Variants in GPAT2 observed in about 807,000 individuals in gnomAD.
GPAT2 encodes the protein glycerol-3-phosphate acyltransferase 2, mitochondrial.
A neutral mutation model predicts 71.0 loss-of-function variants in GPAT2; 51 were observed. That is an observed-to-expected ratio of 0.72 (90% CI 0.57 to 0.91). GPAT2 has a LOEUF of 0.91. Ranked by LOEUF, GPAT2 falls within the 40% of genes least tolerant of loss-of-function variation. The pLI, the probability that GPAT2 is intolerant of heterozygous loss-of-function variation, is 0.00. For missense variants in GPAT2, 511 were observed against 666.0 expected, an observed-to-expected ratio of 0.77 and a Z score of 2.56; for synonymous variants, 222 against 290.3, an observed-to-expected ratio of 0.76 and a Z score of 2.39.
Position 96,025,991 on chromosome 2 carries a change from T to A in GPAT2, c.1177A>T (p.Ser393Cys). ...AGGGTCTGTCTGCCGCCCCAGCAGC[T>A]TCTGGCACTGACGATGTATTCCTGC... is the stretch of plus-strand genomic sequence containing the variant. ...SLQEYIVSARSCWGGRQTLEQ... is the reference protein window; with the variant it reads ...SLQEYIVSARCCWGGRQTLEQ... Residue 393 changes from serine (S) to cysteine (C), a missense_variant, in exon 12 of 22, where the codon AGC becomes TGC. This residue lies in a region of GPAT2 where 79 missense variants were observed against 111.4 expected (regional missense o/e 0.71). Transcript: ENST00000434632. The A allele has an allele frequency of 6.2e-7, 1 of 1,612,820 alleles. No individual in the cohort carries two copies. Among genetic ancestry groups the A allele is most frequent in the Non-Finnish European group, 8.5e-7 (1 of 1,179,790 alleles).
At chr2:96,026,069 C>G in intron 11 of GPAT2, 57 bp from the exon 12 acceptor site, 1 of 1,598,622 alleles carries the variant, frequency 6.3e-7, no homozygotes, top group Non-Finnish European at 8.6e-7. Context: ...AACTTGCACA[C>G]AGCCCACTGG....
chr2:96,025,377 C>T lies in GPAT2; in HGVS notation c.1357+108G>A, dbSNP rs2579513. Reference sequence around the variant, plus strand: ...CAGATGTCCCCAAGGTATCACAGAGCACCTCAGGTGCAGACACTTGGAATG... The same window carrying T: ...CAGATGTCCCCAAGGTATCACAGAGTACCTCAGGTGCAGACACTTGGAATG... On this transcript the variant is annotated intron_variant, in intron 13 of 21. Transcript: ENST00000434632. 2.2e-6 allele frequency: 3 copies of T among 1,387,158 alleles called. No homozygotes were observed. In the East Asian group the frequency reaches 7.5e-5, roughly 35 times the overall value. 85.9% of individuals were successfully genotyped at this position (1,387,158 alleles called of 1,614,324 possible). A position where few individuals can be genotyped will look rare whatever the true frequency, so the allele number is the denominator to read the frequency against.
chr2:96,023,973 G>A lies in GPAT2; in HGVS notation c.1864C>T (p.Gln622Ter), dbSNP rs771385498. 6.2e-7 allele frequency: 1 copy of A among 1,606,212 alleles called. No individual in the cohort carries two copies. The highest frequency in any genetic ancestry group is 1.7e-5 in the Admixed American group (1 of 59,172). ...TGGATGAGCCGGTCCAGCACCTCCTGACAGTAGCAGTAGGAAGACTGGCAG... is the reference window on the plus strand; with the variant it reads ...TGGATGAGCCGGTCCAGCACCTCCTAACAGTAGCAGTAGGAAGACTGGCAG... ...KPCQSSYCYC[Q>*]EVLDRLIQCG... The change falls in exon 17 of 22, where the codon CAG becomes TAG. Residue 622 changes from glutamine to a stop codon, truncating the protein, a stop_gained. Coordinates refer to ENST00000434632, the MANE Select transcript of GPAT2 (RefSeq NM_001321527.2). LOFTEE classifies it high-confidence loss of function.
Position 96,024,805 on chromosome 2 carries a change from T to C in GPAT2, c.1396A>G (p.Met466Val), listed in dbSNP as rs1680205624. 1.2e-6 allele frequency: 2 copies of C among 1,613,574 alleles called. No homozygotes were observed. Among genetic ancestry groups the C allele is most frequent in the East Asian group, 2.2e-5 (1 of 44,846 alleles). ...TGCTTGAAGAGCAGCAGCGTTGCCATAATGGCCGTGCTCATCACCGCAGAG... is the reference window on the plus strand; with the variant it reads ...TGCTTGAAGAGCAGCAGCGTTGCCACAATGGCCGTGCTCATCACCGCAGAG... ...GSSAVMSTAI[M>V]ATLLLFKHQK... The change falls in exon 14 of 22, where the codon ATG (methionine) becomes GTG (valine). Residue 466 changes from methionine (M) to valine (V), a missense_variant. Physicochemically the swap from Met to Val is conservative, Grantham distance 21 (BLOSUM62 1). Around this residue, in one of 7 missense-constraint regions of GPAT2, gnomAD observed 295 missense variants for 305.5 expected, o/e 0.97. Coordinates refer to ENST00000434632, the MANE Select transcript of GPAT2 (RefSeq NM_001321527.2).
chr2:96,033,905 A>T (rs1231493021), intron 1 of GPAT2, among the ~76,000 whole-genome samples: 1 of 143,594 alleles, frequency 7.0e-6, no homozygotes, highest in African/African-American at 2.5e-5. Flanking sequence ...ACAGCTCAGG[A>T]CTCCTACAGC....
rs747264770 is a variant in GPAT2, at chr2:96,024,591, C to T, written c.1523G>A (p.Arg508Gln). Residue 508 changes from arginine (R) to glutamine (Q), a missense_variant, in exon 15 of 22, where the codon CGG (arginine) becomes CAG (glutamine). By Grantham distance (43) the Arg-to-Gln change is conservative (BLOSUM62 1). Around this residue, in one of 7 missense-constraint regions of GPAT2, gnomAD observed 295 missense variants for 305.5 expected, o/e 0.97. Transcript: ENST00000434632. ...GFDVGFSGQL[R>Q]SLLQHSLSLL... Reference sequence around the variant, plus strand: ...GCTCAGTGAGTGCTGCAGCAGGCTCCGCAGCTGCCCAGAGAAGCCTACATC... The same window carrying T: ...GCTCAGTGAGTGCTGCAGCAGGCTCTGCAGCTGCCCAGAGAAGCCTACATC... 2.3e-5 allele frequency: 37 copies of T among 1,613,714 alleles called. No individual in the cohort carries two copies. In the East Asian group the frequency reaches 2.5e-4, roughly 11 times the overall value.
Position 96,032,100 on chromosome 2 carries a change from G to A in GPAT2, c.110C>T (p.Thr37Ile). 6.5e-7 allele frequency: 1 copy of A among 1,542,480 alleles called. No homozygotes were observed. Among genetic ancestry groups the A allele is most frequent in the Non-Finnish European group, 8.9e-7 (1 of 1,126,788 alleles). Reference sequence around the variant, plus strand: ...GGGGCGATACTTCCCCAGGAATGGAGTGACAGCCTCCAGCTTCATCCCAAA... The same window carrying A: ...GGGGCGATACTTCCCCAGGAATGGAATGACAGCCTCCAGCTTCATCCCAAA... Reference protein sequence around the residue: ...SGFGMKLEAVTPFLGKYRPFV... With the variant: ...SGFGMKLEAVIPFLGKYRPFV... Residue 37 changes from threonine (T) to isoleucine (I), a missense_variant, in exon 3 of 22, where the codon ACT becomes ATT. By Grantham distance (89) the Thr-to-Ile change is moderately conservative. Coordinates refer to ENST00000434632, the MANE Select transcript of GPAT2 (RefSeq NM_001321527.2).
At chr2:96,025,051 A>G (rs1354539895) in intron 13 of GPAT2, 6 of 630,860 alleles carry the variant, frequency 9.5e-6, no homozygotes, top group East Asian at 2.7e-5. Flanking sequence ...CGTAGGGCCC[A>G]CACATCAACC....
In GPAT2 at chr2:96,024,768, C is replaced by A. The variant is rs1172029255; in HGVS notation, c.1428+5G>T. 1.9e-6 allele frequency: 3 copies of A among 1,613,902 alleles called. No homozygotes were observed. The highest frequency in any genetic ancestry group is 2.5e-6 in the Non-Finnish European group (3 of 1,179,984). ...CCCAGGTCCCCACCACATTGCACCC[C>A]CTACCTTCTGATGCTTGAAGAGCAG... On this transcript the variant is annotated splice_donor_5th_base_variant and intron_variant, in intron 14 of 21. Coordinates refer to ENST00000434632, the MANE Select transcript of GPAT2 (RefSeq NM_001321527.2).
At position 96,023,430 on chromosome 2, in the gene GPAT2, G is replaced by A. The variant is rs11693649; in HGVS notation, c.1925C>T (p.Ser642Phe). The change falls in exon 18 of 22, where the codon TCC (serine) becomes TTC (phenylalanine). Residue 642 changes from serine (S) to phenylalanine (F), a missense_variant. Coordinates refer to ENST00000434632, the MANE Select transcript of GPAT2 (RefSeq NM_001321527.2). ...TCGCCCTGTGTCACAGGCTGGCCGG[G>A]AGCCTGGGGTCTAGGGGCCGTGGAG... is the stretch of plus-strand genomic sequence containing the variant. ...GLLVAEETPG[S>F]RPACDTGRQR... is the part of the protein sequence containing the mutation. The A allele has an allele frequency of 0.024, 38,047 of 1,613,976 alleles. 545 individuals are homozygous for A. The highest frequency in any genetic ancestry group is 0.027 in the Non-Finnish European group (31,887 of 1,180,012).
chr2:96,030,197 CA>C (rs1390337509), intron 6 of GPAT2, among the ~76,000 whole-genome samples: 1 of 139,634 alleles, frequency 7.2e-6, no homozygotes, highest in African/African-American at 2.7e-5. Flanking sequence ...TTCCCTGGAA[CA>C]GTGTGCTGCA....
rs1680149299 is a variant in GPAT2, at chr2:96,024,561, A to G, written c.1553T>C (p.Leu518Pro). The G allele has an allele frequency of 2.5e-6, 4 of 1,613,838 alleles. No homozygotes were observed. Among genetic ancestry groups the G allele is most frequent in the South Asian group, 1.1e-5 (1 of 91,084 alleles). ...GCGCAGCAGGGCCACGTGCGCCCGC[A>G]GCAGGCTCAGTGAGTGCTGCAGCAG... is the stretch of plus-strand genomic sequence containing the variant. ...RSLLQHSLSL[L>P]RAHVALLRIR... The change falls in exon 15 of 22, where the codon CTG becomes CCG. Residue 518 changes from leucine to proline, a missense_variant. By Grantham distance (98) the Leu-to-Pro change is moderately conservative (BLOSUM62 -3). Transcript: ENST00000434632.
Position 96,023,341 on chromosome 2 carries a change from C to A in GPAT2, c.2014G>T (p.Asp672Tyr). The A allele has an allele frequency of 1.2e-6, 2 of 1,614,218 alleles. No homozygotes were observed. Among genetic ancestry groups the A allele is most frequent in the Non-Finnish European group, 1.7e-6 (2 of 1,180,030 alleles). ...TACCGGCCGTCAGCCTCTCCGAAGT[C>A]ATCACTGTCACTATCAGTAAAGTCC... ...SGDFTDSDSD[D>Y]FGEADGRYFR... The change falls in exon 18 of 22, where the codon GAC becomes TAC. Residue 672 changes from aspartate to tyrosine, a missense_variant. Physicochemically the swap from Asp to Tyr is radical, Grantham distance 160. This residue lies in a region of GPAT2 where 295 missense variants were observed against 305.5 expected (regional missense o/e 0.97). Coordinates refer to ENST00000434632, the MANE Select transcript of GPAT2 (RefSeq NM_001321527.2).
chr2:96,023,129 C>A lies in GPAT2; in HGVS notation c.2144G>T (p.Arg715Leu), dbSNP rs774077769. The A allele has an allele frequency of 1.2e-6, 2 of 1,609,064 alleles. No homozygotes were observed. Among genetic ancestry groups the A allele is most frequent in the Non-Finnish European group, 8.5e-7 (1 of 1,177,094 alleles). ...KAFAQAAAFL[R>L]QGQLPDTELG... Reference sequence around the variant, plus strand: ...ACCAGTATCGGGCAGCTGGCCCTGGCGGAGGAAGGCGGCAGCCTGTGCAAA... The same window carrying A: ...ACCAGTATCGGGCAGCTGGCCCTGGAGGAGGAAGGCGGCAGCCTGTGCAAA... Residue 715 changes from arginine (R) to leucine (L), a missense_variant, in exon 19 of 22, where the codon CGC becomes CTC. Transcript: ENST00000434632.
In GPAT2 at chr2:96,026,259, C is replaced by T. The variant is rs200653041; in HGVS notation, c.1079G>A (p.Arg360His). Residue 360 changes from arginine (R) to histidine (H), a missense_variant, in exon 11 of 22, where the codon CGT becomes CAT. Coordinates refer to ENST00000434632, the MANE Select transcript of GPAT2 (RefSeq NM_001321527.2). ...GLWTGALAVL[R>H]SLWSRWGCSH... is the part of the protein sequence containing the mutation. ...GCAGCCCCAGCGGCTCCACAAGCTA[C>T]GTAGGACAGCCAGAGCTCCTGTCCA... 2,446 of 1,606,534 alleles carry T rather than the reference C, an allele frequency of 1.5e-3. No homozygotes were observed. Among genetic ancestry groups the T allele is most frequent in the Non-Finnish European group, 1.8e-3 (2,087 of 1,176,918 alleles).
chr2:96,024,547 C>T lies in GPAT2; in HGVS notation c.1567G>A (p.Ala523Thr). ...TCACCCTGACGGATGCGCAGCAGGG[C>T]CACGTGCGCCCGCAGCAGGCTCAGT... ...HSLSLLRAHV[A>T]LLRIRQGDLL... Residue 523 changes from alanine (A) to threonine (T), a missense_variant, in exon 15 of 22, where the codon GCC becomes ACC. Ala to Thr is a moderately conservative substitution (Grantham distance 58). Around this residue, in one of 7 missense-constraint regions of GPAT2, gnomAD observed 295 missense variants for 305.5 expected, o/e 0.97. Coordinates refer to ENST00000434632, the MANE Select transcript of GPAT2 (RefSeq NM_001321527.2). 6.2e-7 allele frequency: 1 copy of T among 1,613,864 alleles called. No homozygotes were observed. The highest frequency in any genetic ancestry group is 8.5e-7 in the Non-Finnish European group (1 of 1,179,942).
Position 96,024,470 on chromosome 2 carries a change from C to T in GPAT2, c.1644G>A (p.Leu548=), listed in dbSNP as rs773215905. 1.9e-6 allele frequency: 3 copies of T among 1,614,056 alleles called. No homozygotes were observed. In the South Asian group the frequency reaches 3.3e-5, roughly 18 times the overall value. Residue 548 remains leucine, a synonymous_variant, in exon 15 of 22, where the codon CTG becomes CTA. Coordinates refer to ENST00000434632, the MANE Select transcript of GPAT2 (RefSeq NM_001321527.2). ...PGPGLTHLAQ[L]SAELLPVFLS... Reference sequence around the variant, plus strand: ...GGAAGACGGGCAGCAGCTCAGCACTCAGTTGTGCCAGGTGTGTGAGGCCTG... The same window carrying T: ...GGAAGACGGGCAGCAGCTCAGCACTTAGTTGTGCCAGGTGTGTGAGGCCTG...
At chr2:96,026,342 A>T (rs1680415799) in intron 10 of GPAT2, 37 bp from the exon 11 acceptor site, 2 of 1,454,140 alleles carry the variant, frequency 1.4e-6, no homozygotes, top group Non-Finnish European at 1.8e-6. Flanking sequence ...CTCGCCGAGG[A>T]CACTGCTCTC....
At chr2:96,023,689 A>C (rs1680000957) in intron 17 of GPAT2, 6 of 777,518 alleles carry the variant, frequency 7.7e-6, no homozygotes, top group Non-Finnish European at 1.2e-5. Context: ...CCTCAGAGGC[A>C]CACATGTCCA....
Sources: gnomAD v4.1 joint callset for allele counts (sites outside exome capture counted in the v4.1 genomes callset) on GRCh38, gnomAD v4.1.1 for gene constraint, gnomAD v4.1.1 regional missense constraint, MANE v1.5 for transcripts, NCBI Gene and HGNC (gene_info 2026-07-23, HGNC 2026-07-21) for gene names.